The following GTF3C1 variants were observed in gnomAD, a reference collection of about 807,000 sequenced individuals.
GTF3C1 encodes general transcription factor IIIC subunit 1.
Under a neutral mutation model 226.7 loss-of-function variants are expected in GTF3C1, and 57 were observed. That is an observed-to-expected ratio of 0.25 (90% CI 0.20 to 0.31). The LOEUF is 0.31. GTF3C1 is among the 10% of genes least tolerant of loss of function. The pLI, the probability that GTF3C1 is intolerant of heterozygous loss-of-function variation, is 1.00. For missense variants in GTF3C1, 2,217 were observed against 2,776.1 expected, an observed-to-expected ratio of 0.80 and a Z score of 4.53; for synonymous variants, 1,090 against 1,084.8, an observed-to-expected ratio of 1.00 and a Z score of -0.09.
intron 2 of GTF3C1, among the ~76,000 whole-genome samples, chr16:27,539,595 C>T (rs376816134): frequency 2.6e-5 from 4 of 152,218 alleles, no homozygotes; most frequent in African/African-American, 7.2e-5. Flanking sequence ...ATCCCTCACT[C>T]GTTCCTTGGC....
intron 10 of GTF3C1, among the ~76,000 whole-genome samples, chr16:27,504,430 A>G (rs232075): frequency 0.19 from 28,415 of 152,138 alleles, 3,085 homozygotes; most frequent in African/African-American, 0.29. Context: ...GGCATCCAAT[A>G]AATAGAAAAG....
intron 29 of GTF3C1, 128 bp downstream of exon 29, chr16:27,476,323 T>C (rs191683554): frequency 2.0e-5 from 12 of 610,894 alleles, no homozygotes; most frequent in East Asian, 1.1e-4. Context: ...TTGAAAGACA[T>C]GTGGGCTGGC....
At chr16:27,525,150 C>CA (rs1405292416) in intron 6 of GTF3C1, among the ~76,000 whole-genome samples, 3 of 141,536 alleles carry the variant, frequency 2.1e-5, no homozygotes, top group Non-Finnish European at 4.5e-5. Context: ...AACTCTGTGT[C>CA]AAAAAAAGAA....
chr16:27,505,140 G>A (rs2088465275), intron 10 of GTF3C1, among the ~76,000 whole-genome samples: 1 of 152,178 alleles, frequency 6.6e-6, no homozygotes, highest in African/African-American at 2.4e-5. Context: ...TAATGGGAAA[G>A]ACATTCCTTA....
In GTF3C1 at chr16:27,476,553, G is replaced by A; in HGVS notation, c.4260-9C>T. 2 of 1,555,796 alleles carry A rather than the reference G, an allele frequency of 1.3e-6. No homozygotes were observed. The highest frequency in any genetic ancestry group is 1.8e-6 in the Non-Finnish European group (2 of 1,128,062). On this transcript the variant is annotated splice_polypyrimidine_tract_variant and intron_variant, in intron 28 of 36. Transcript: ENST00000356183. Reference sequence around the variant, plus strand: ...AGTGGATGTCATCCACGCTGAAAGAGAGGGGGCAGCAGGGCACCATGAGAC... The same window carrying A: ...AGTGGATGTCATCCACGCTGAAAGAAAGGGGGCAGCAGGGCACCATGAGAC...
chr16:27,511,954 G>C, intron 6 of GTF3C1, 53 bp from the exon 7 acceptor site: 1 of 1,588,650 alleles, frequency 6.3e-7, no homozygotes, highest in East Asian at 2.2e-5. Flanking sequence ...GTGCTGCGTG[G>C]GGGAGGTGAG....
At chr16:27,534,027 C>A (rs1349198043) in intron 4 of GTF3C1, among the ~76,000 whole-genome samples, 1 of 152,074 alleles carries the variant, frequency 6.6e-6, no homozygotes, top group African/African-American at 2.4e-5. Flanking sequence ...AAAAACAGAT[C>A]ACTTGGTGAG....
rs1567397343 is a variant in GTF3C1 at position 27,495,323 on chromosome 16, G to GCCTGCCCTGCCTGACT, written c.2504_2519dup (p.Pro843GlnfsTer18). On this transcript the variant is annotated frameshift_variant, in exon 15 of 37. Coordinates refer to ENST00000356183, the MANE Select transcript of GTF3C1 (RefSeq NM_001520.4). LOFTEE classifies it high-confidence loss of function. ...CACTTCCAGAGGAGGACGGCCGGAC[G>GCCTGCCCTGCCTGACT]CCTGCCCTGCCTGACTCCTGCTTTA... 1 of 1,613,478 alleles carries GCCTGCCCTGCCTGACT rather than the reference G, an allele frequency of 6.2e-7. No homozygotes were observed.
At chr16:27,494,461 G>A (rs2088283484) in intron 16 of GTF3C1, among the ~76,000 whole-genome samples, 1 of 150,530 alleles carries the variant, frequency 6.6e-6, no homozygotes, top group Admixed American at 6.6e-5. Flanking sequence ...TAATATAATT[G>A]TCTTTCTGTC....
At chr16:27,491,581 C>T (rs181800891) in intron 19 of GTF3C1, among the ~76,000 whole-genome samples, 1 of 152,244 alleles carries the variant, frequency 6.6e-6, no homozygotes, top group East Asian at 1.9e-4. Flanking sequence ...ATCTGAGAAG[C>T]CAGTGTGGGA....
rs1486719712 is a variant in GTF3C1 at position 27,505,810 on chromosome 16, C to G, written c.1770+89G>C. The G allele has an allele frequency of 8.8e-6, 7 of 792,598 alleles. No homozygotes were observed. The African/African-American group carries it at 1.2e-4, about 13-fold the overall frequency. The allele number at this position is 792,598 out of a possible 1,614,324, so 49.1% of individuals were successfully genotyped here. ...CGCAGCACTCTCGCTGTGGATGATT[C>G]CACTGTGATCATGTGATTCCTAAAC... On this transcript the variant is annotated intron_variant, in intron 10 of 36. Transcript: ENST00000356183.
intron 6 of GTF3C1, among the ~76,000 whole-genome samples, chr16:27,524,608 G>C (rs985156824): frequency 4.6e-5 from 7 of 152,210 alleles, no homozygotes; most frequent in African/African-American, 1.7e-4. Context: ...TGAGGTGTTA[G>C]TTTCAAGTTA....
chr16:27,499,660 C>CA (rs1297259781), intron 12 of GTF3C1, among the ~76,000 whole-genome samples: 1 of 152,148 alleles, frequency 6.6e-6, no homozygotes, highest in Non-Finnish European at 1.5e-5. Context: ...CCCCCACCCC[C>CA]AACCACCAGC....
At chr16:27,542,348 GTCAGGAGT>G (rs1289279480) in intron 2 of GTF3C1, among the ~76,000 whole-genome samples, 1 of 152,168 alleles carries the variant, frequency 6.6e-6, no homozygotes, top group Non-Finnish European at 1.5e-5. Flanking sequence ...ATCACCTGAG[GTCAGGAGT>G]TCAAGACCAG....
intron 23 of GTF3C1, among the ~76,000 whole-genome samples, chr16:27,486,615 C>A (rs1465828720): frequency 6.6e-6 from 1 of 152,050 alleles, no homozygotes. Context: ...CATCTGGGGA[C>A]AATAAGGCCT....
At chr16:27,525,941 T>G (rs948315822) in intron 6 of GTF3C1, among the ~76,000 whole-genome samples, 3 of 21,920 alleles carry the variant, frequency 1.4e-4, no homozygotes, top group Non-Finnish European at 2.3e-4. Flanking sequence ...TATTTCAGTA[T>G]CCTATGTTTG....
At chr16:27,472,327 C>T (rs982457073) in intron 29 of GTF3C1, among the ~76,000 whole-genome samples, 1 of 152,218 alleles carries the variant, frequency 6.6e-6, no homozygotes, top group Non-Finnish European at 1.5e-5. Context: ...TCCAATGCAT[C>T]GGGTTCGTGC....
intron 12 of GTF3C1, among the ~76,000 whole-genome samples, chr16:27,499,330 G>A (rs1429749750): frequency 6.6e-6 from 1 of 152,244 alleles, no homozygotes; most frequent in African/African-American, 2.4e-5. Context: ...AAAACAGACT[G>A]TGTGGAAGGG....
In GTF3C1 at chr16:27,532,036, G is replaced by A. The variant is rs1050818147; in HGVS notation, c.849+1255C>T. ...GGTGACAGGAAGCAGGTGGACTGCG[G>A]GGGACCCAGCTAGTGCACAACTAGT... On this transcript the variant is annotated intron_variant, in intron 5 of 36. Transcript: ENST00000356183. Among the ~76,000 whole-genome samples, 3 of 152,202 alleles carry A rather than the reference G, an allele frequency of 2.0e-5. No homozygotes were observed. In the East Asian group the frequency reaches 5.8e-4, roughly 29 times the overall value.
Sources: allele counts gnomAD v4.1 joint callset (sites outside exome capture counted in the v4.1 genomes callset), GRCh38; gene constraint gnomAD v4.1.1; transcripts MANE v1.5; gene names NCBI Gene and HGNC (gene_info 2026-07-23, HGNC 2026-07-21).